Variants in NHERF4 observed in about 807,000 individuals in gnomAD.
The protein encoded by NHERF4 is NHERF family PDZ scaffold protein 4, also known as Na(+)/H(+) exchange regulatory cofactor NHE-RF4.
At chr11:119,187,832 A>G in the NHERF4 span, 2 of 1,461,416 alleles carry the variant, frequency 1.4e-6, no homozygotes, top group Admixed American at 5.5e-5. Flanking sequence ...CCCCCTCTAC[A>G]GTTTGTGCCA....
chr11:119,187,521 G>A, the NHERF4 span: 58 of 1,612,908 alleles, frequency 3.6e-5, no homozygotes, highest in African/African-American at 4.4e-4. Context: ...GTTCAGGGCA[G>A]GCAGGAAACA....
chr11:119,189,677 AGGC>A, the NHERF4 span: 2 of 673,816 alleles, frequency 3.0e-6, no homozygotes, highest in African/African-American at 3.5e-5. The surrounding 1 kb of genome is among the most constrained non-coding windows in gnomAD (Gnocchi z 5.8). Flanking sequence ...GTGTGGTTGG[AGGC>A]CTCAGACAGG....
chr11:119,187,554 T>A, the NHERF4 span: 109 of 1,597,862 alleles, frequency 6.8e-5, no homozygotes, highest in Non-Finnish European at 8.3e-5. Context: ...CTTTTTTTTT[T>A]AATTTCTAGG....
At chr11:119,187,514 C>G in the NHERF4 span, 2 of 1,612,092 alleles carry the variant, frequency 1.2e-6, no homozygotes, top group Admixed American at 3.3e-5. Flanking sequence ...AGCCCCTGTT[C>G]AGGGCAGGCA....
chr11:119,186,056 T>A, the NHERF4 span: 2 of 1,610,314 alleles, frequency 1.2e-6, no homozygotes, highest in Middle Eastern at 1.7e-4. The surrounding 1 kb of genome is among the most constrained non-coding windows in gnomAD (Gnocchi z 4.4). Context: ...CAAGTCCAGC[T>A]GCCAGCTTGT....
chr11:119,186,865 G>A, the NHERF4 span, among the ~76,000 whole-genome samples: 8 of 152,224 alleles, frequency 5.3e-5, no homozygotes, highest in African/African-American at 1.4e-4. This position sits in a 1 kb window ranked among gnomAD's most constrained non-coding sequence, Gnocchi z 4.4. Flanking sequence ...CCCGCTGGGC[G>A]CAGTGGCTCA....
the NHERF4 span, chr11:119,186,494 A>G: frequency 6.2e-7 from 1 of 1,614,046 alleles, no homozygotes; most frequent in Non-Finnish European, 8.5e-7. This position sits in a 1 kb window ranked among gnomAD's most constrained non-coding sequence, Gnocchi z 4.4. Context: ...TGGAGCCTGG[A>G]GCGGCCTCGC....
chr11:119,186,678 A>G, the NHERF4 span: 2 of 1,606,352 alleles, frequency 1.2e-6, no homozygotes, highest in South Asian at 2.2e-5. This position sits in a 1 kb window ranked among gnomAD's most constrained non-coding sequence, Gnocchi z 4.4. Context: ...TGGAACACGA[A>G]GACTATGCGG....
the NHERF4 span, chr11:119,189,348 G>A: frequency 6.7e-7 from 1 of 1,502,808 alleles, no homozygotes; most frequent in Non-Finnish European, 9.3e-7. The surrounding 1 kb of genome is among the most constrained non-coding windows in gnomAD (Gnocchi z 5.8). Context: ...GGTGGGGACA[G>A]AAGGACTCGT....
At chr11:119,187,882 G>T in the NHERF4 span, 6 of 1,484,974 alleles carry the variant, frequency 4.0e-6, no homozygotes, top group African/African-American at 4.2e-5. Context: ...TGTGGGGGGA[G>T]CATACCTCTT....
At chr11:119,188,421 G>A in the NHERF4 span, 13 of 1,613,714 alleles carry the variant, frequency 8.1e-6, no homozygotes, top group East Asian at 4.5e-5. Flanking sequence ...GCTGGGGACC[G>A]GCTGGTGGCT....
the NHERF4 span, among the ~76,000 whole-genome samples, chr11:119,187,076 G>A: frequency 6.6e-6 from 1 of 150,518 alleles, no homozygotes; most frequent in Admixed American, 6.7e-5. Context: ...GGAGGCGGAG[G>A]TTGCGGTGAG....
chr11:119,188,348 G>T, the NHERF4 span: 1 of 1,613,692 alleles, frequency 6.2e-7, no homozygotes, highest in African/African-American at 1.3e-5. Flanking sequence ...GGATGTCTAT[G>T]CCCCAGGACA....
At chr11:119,189,661 C>A in the NHERF4 span, 1 of 733,184 alleles carries the variant, frequency 1.4e-6, no homozygotes, top group Non-Finnish European at 2.4e-6. The surrounding 1 kb of genome is among the most constrained non-coding windows in gnomAD (Gnocchi z 5.8). Context: ...CACCTGCCAG[C>A]AGAGGGTGTG....
At chr11:119,188,965 C>T in the NHERF4 span, 2 of 1,612,732 alleles carry the variant, frequency 1.2e-6, no homozygotes, top group South Asian at 1.1e-5. Context: ...AGCAAACTTT[C>T]CCCCGGTGTC....
At chr11:119,188,267 T>C in the NHERF4 span, 1 of 1,580,446 alleles carries the variant, frequency 6.3e-7, no homozygotes, top group Non-Finnish European at 8.6e-7. Context: ...GGGCCGCCTC[T>C]TCCCGTTCAC....
chr11:119,188,505 T>C, the NHERF4 span: 1 of 1,606,598 alleles, frequency 6.2e-7, no homozygotes, highest in Non-Finnish European at 8.5e-7. Flanking sequence ...GGCTCCTGTG[T>C]CTCCCTCACT....
the NHERF4 span, chr11:119,185,972 G>C: frequency 0.066 from 106,399 of 1,614,018 alleles, 4,413 homozygotes; most frequent in Admixed American, 0.19. Flanking sequence ...ACGAGGGTTG[G>C]GGCAAGGGGA....
the NHERF4 span, chr11:119,186,057 G>A: frequency 6.2e-7 from 1 of 1,610,132 alleles, no homozygotes; most frequent in Non-Finnish European, 8.5e-7. This position sits in a 1 kb window ranked among gnomAD's most constrained non-coding sequence, Gnocchi z 4.4. Context: ...AAGTCCAGCT[G>A]CCAGCTTGTA....
Sources: allele counts gnomAD v4.1 joint callset (sites outside exome capture counted in the v4.1 genomes callset), GRCh38; gene constraint gnomAD v4.1.1; non-coding constraint Gnocchi (gnomAD v3.1); transcripts MANE v1.5; gene names NCBI Gene and HGNC (gene_info 2026-07-23, HGNC 2026-07-21).